PPARGC1B: variants seen among roughly 807,000 people sequenced by gnomAD.
The protein encoded by PPARGC1B is peroxisome proliferator-activated receptor gamma coactivator 1-beta.
In PPARGC1B, 34 loss-of-function variants were observed where a neutral mutation model predicts 101.6. That is an observed-to-expected ratio of 0.33 (90% CI 0.25 to 0.45). The LOEUF (loss-of-function observed/expected upper bound fraction) is 0.45. Ranked by LOEUF, PPARGC1B falls within the 20% of genes least tolerant of loss-of-function variation. The pLI, the probability that PPARGC1B is intolerant of heterozygous loss-of-function variation, is 1.00. For synonymous variants in PPARGC1B, 548 were observed against 539.3 expected, an observed-to-expected ratio of 1.02 and a Z score of -0.22; for missense variants, 1,234 against 1,317.6, an observed-to-expected ratio of 0.94 and a Z score of 0.98.
At chr5:149,745,181 A>G (rs1175107286) in intron 1 of PPARGC1B, among the ~76,000 whole-genome samples, 3 of 152,126 alleles carry the variant, frequency 2.0e-5, no homozygotes. Flanking sequence ...GATTACAGGC[A>G]GGAGCCACTG....
chr5:149,751,712 A>G (rs1228744514), intron 1 of PPARGC1B, among the ~76,000 whole-genome samples: 5 of 151,728 alleles, frequency 3.3e-5, no homozygotes, highest in African/African-American at 7.3e-5. Flanking sequence ...TCCAAAAGAA[A>G]AAAAAAAAAA....
chr5:149,822,096 A>G (rs1758324262), intron 2 of PPARGC1B, among the ~76,000 whole-genome samples: 1 of 152,198 alleles, frequency 6.6e-6, no homozygotes, highest in African/African-American at 2.4e-5. Flanking sequence ...TCTTGCTTGA[A>G]CAATGGGGAC....
At chr5:149,766,559 G>A (rs116207840) in intron 1 of PPARGC1B, among the ~76,000 whole-genome samples, 255 of 151,046 alleles carry the variant, frequency 1.7e-3, no homozygotes, top group African/African-American at 6.2e-3. Flanking sequence ...AACCAGGCAG[G>A]ATGATGATTA....
downstream of PPARGC1B, chr5:149,855,136 C>A (rs1759915390): frequency 6.6e-6 from 1 of 152,054 alleles, no homozygotes; most frequent in African/African-American, 2.4e-5. Flanking sequence ...AGATAAGACC[C>A]CGGATGATGT....
intron 1 of PPARGC1B, among the ~76,000 whole-genome samples, chr5:149,755,684 C>T (rs1340780042): frequency 6.8e-6 from 1 of 147,988 alleles, no homozygotes; most frequent in Non-Finnish European, 1.5e-5. Context: ...GTTCTTGTTG[C>T]CCAGGCTGGA....
At chr5:149,737,851 G>A (rs192366926) in intron 1 of PPARGC1B, among the ~76,000 whole-genome samples, 14 of 152,258 alleles carry the variant, frequency 9.2e-5, no homozygotes, top group East Asian at 1.9e-4. Flanking sequence ...AAAATTAGCC[G>A]GGCATGGTGG....
chr5:149,832,550 T>A lies in PPARGC1B; in HGVS notation c.583-106T>A. 1.1e-6 allele frequency: 1 copy of A among 920,758 alleles called. No homozygotes were observed. Among genetic ancestry groups the A allele is most frequent in the Non-Finnish European group, 1.6e-6 (1 of 617,690 alleles). The allele number at this position is 920,758 out of a possible 1,614,324, so 57.0% of individuals were successfully genotyped here. ...GGAATGAAGGAAACCTGGCTGTTCC[T>A]ATGATCCAGGTGAGACACAATGGGC... On this transcript the variant is annotated intron_variant, in intron 4 of 11. Coordinates refer to ENST00000309241, the MANE Select transcript of PPARGC1B (RefSeq NM_133263.4). This position sits in a 1 kb window ranked among gnomAD's most constrained non-coding sequence, Gnocchi z 4.9.
rs1003796064 is a variant in PPARGC1B at position 149,836,967 on chromosome 5, C to G, written c.2512C>G (p.Gln838Glu). ...CACTTGCTCTGACCACTGCCCCTAC[C>G]AGAGCCCACCAAGCAAGGCCAACCG... is the stretch of plus-strand genomic sequence containing the variant. The part of the protein sequence containing the change: ...SPTCSDHCPY[Q>E]SPPSKANRQL... Residue 838 changes from glutamine (Q) to glutamate (E), a missense_variant, in exon 8 of 12, where the codon CAG (glutamine) becomes GAG (glutamate). Gln to Glu is a conservative substitution (Grantham distance 29, BLOSUM62 2). Around this residue, in one of 3 missense-constraint regions of PPARGC1B, gnomAD observed 497 missense variants for 529.5 expected, o/e 0.94. Transcript: ENST00000309241. The G allele has an allele frequency of 5.0e-6, 8 of 1,613,972 alleles. No homozygotes were observed. Among genetic ancestry groups the G allele is most frequent in the African/African-American group, 1.3e-5 (1 of 74,926 alleles).
At chr5:149,744,128 C>T (rs747898820) in intron 1 of PPARGC1B, among the ~76,000 whole-genome samples, 1 of 152,198 alleles carries the variant, frequency 6.6e-6, no homozygotes, top group Non-Finnish European at 1.5e-5. Flanking sequence ...GGACCAGTGA[C>T]CACAGTGCCC....
chr5:149,842,481 G>T, intron 10 of PPARGC1B, 104 bp downstream of exon 10: 1 of 1,508,330 alleles, frequency 6.6e-7, no homozygotes, highest in South Asian at 1.2e-5. Flanking sequence ...AAATGAATCT[G>T]ACAAAATCCA....
At chr5:149,771,030 C>G (rs1280832280) in intron 1 of PPARGC1B, among the ~76,000 whole-genome samples, 1 of 152,116 alleles carries the variant, frequency 6.6e-6, no homozygotes, top group African/African-American at 2.4e-5. Flanking sequence ...TTGAAGGCCC[C>G]TCATCATTAT....
intron 1 of PPARGC1B, among the ~76,000 whole-genome samples, chr5:149,816,498 A>G (rs939286863): frequency 1.3e-5 from 2 of 152,244 alleles, no homozygotes; most frequent in Non-Finnish European, 2.9e-5. Context: ...CATTTTGTGC[A>G]CATACCTGCA....
intron 1 of PPARGC1B, among the ~76,000 whole-genome samples, chr5:149,733,320 A>G (rs936004413): frequency 6.6e-6 from 1 of 152,220 alleles, no homozygotes; most frequent in African/African-American, 2.4e-5. Flanking sequence ...GCTTTGAGGC[A>G]TGGATCCCAA....
At chr5:149,810,522 G>A (rs970228855) in intron 1 of PPARGC1B, among the ~76,000 whole-genome samples, 18 of 152,358 alleles carry the variant, frequency 1.2e-4, no homozygotes, top group African/African-American at 3.8e-4. Context: ...ACACAGCAAC[G>A]AGAGACTTTG....
chr5:149,731,663 T>C (rs543101133), intron 1 of PPARGC1B, among the ~76,000 whole-genome samples: 22 of 152,250 alleles, frequency 1.4e-4, no homozygotes, highest in South Asian at 1.0e-3. Context: ...ACTTTGCTTC[T>C]TGTTATAATC....
At chr5:149,739,786 G>T (rs1319791604) in intron 1 of PPARGC1B, among the ~76,000 whole-genome samples, 2 of 152,164 alleles carry the variant, frequency 1.3e-5, no homozygotes, top group South Asian at 4.1e-4. Flanking sequence ...AAATCCCAAA[G>T]GTCCTCCTTG....
At chr5:149,814,608 T>G (rs961992992) in intron 1 of PPARGC1B, among the ~76,000 whole-genome samples, 3 of 152,170 alleles carry the variant, frequency 2.0e-5, no homozygotes, top group Non-Finnish European at 4.4e-5. Flanking sequence ...TCAGTAGTTC[T>G]GAGAATCTGC....
intron 1 of PPARGC1B, among the ~76,000 whole-genome samples, chr5:149,791,920 C>T (rs1228487733): frequency 6.6e-6 from 1 of 152,196 alleles, no homozygotes; most frequent in Non-Finnish European, 1.5e-5. Flanking sequence ...GATGAATGAG[C>T]ACTTGCTGGG....
chr5:149,755,934 G>A (rs550082038), intron 1 of PPARGC1B, among the ~76,000 whole-genome samples: 82 of 152,250 alleles, frequency 5.4e-4, no homozygotes, highest in African/African-American at 1.5e-3. Context: ...GTGAGCCGCC[G>A]TGCCCGGCCT....
Sources: gnomAD v4.1 joint callset for allele counts (sites outside exome capture counted in the v4.1 genomes callset) on GRCh38, gnomAD v4.1.1 for gene constraint, gnomAD v4.1.1 regional missense constraint, Gnocchi (gnomAD v3.1) non-coding constraint, MANE v1.5 for transcripts, NCBI Gene and HGNC (gene_info 2026-07-23, HGNC 2026-07-21) for gene names.